DHRSX: variants seen among roughly 807,000 people sequenced by gnomAD.
DHRSX encodes dehydrogenase/reductase X-linked.
DHRSX carries 31 observed loss-of-function variants against 34.0 expected under a neutral mutation model. The observed-to-expected ratio is 0.91, with a 90% confidence interval of 0.69 to 1.23. DHRSX has a LOEUF of 1.23. Ranked by LOEUF, DHRSX falls within the 50% of genes most tolerant of loss-of-function variation. DHRSX has a pLI of 0.00. For missense variants in DHRSX, 414 were observed against 428.1 expected (o/e 0.97, Z 0.29); for synonymous variants, 201 against 183.8 (o/e 1.09, Z -0.76).
At chrX:2,348,943 C>G (rs913686616) in intron 3 of DHRSX, among the ~76,000 whole-genome samples, 1 of 152,076 alleles carries the variant, frequency 6.6e-6, no homozygotes, top group Admixed American at 6.6e-5. Flanking sequence ...CTCCGCTTGC[C>G]TCAGCCTCCC....
At chrX:2,426,969 T>C (rs1188169136) in intron 1 of DHRSX, among the ~76,000 whole-genome samples, 1 of 152,218 alleles carries the variant, frequency 6.6e-6, no homozygotes, top group African/African-American at 2.4e-5. Context: ...TAGACAAAGA[T>C]AAACATGTTG....
rs556890974 is a variant in DHRSX, at chrX:2,456,383, G to A, written c.110-31079C>T. On this transcript the variant is annotated intron_variant, in intron 1 of 6. Coordinates refer to ENST00000334651, the MANE Select transcript of DHRSX (RefSeq NM_145177.3). ...TATCCCAGAACTTTGGGAGGCTGAG[G>A]CAGGTGGATCACCTGAGGTCAGGAG... 2.0e-5 allele frequency among the ~76,000 whole-genome samples: 3 copies of A among 152,150 alleles called. No homozygotes were observed. The South Asian group carries it at 6.2e-4, about 32-fold the overall frequency.
chrX:2,231,883 TTCC>T lies in DHRSX; in HGVS notation c.805-10657_805-10655del, dbSNP rs1039028339. Among the ~76,000 whole-genome samples the T allele has an allele frequency of 1.0e-4, 15 of 149,076 alleles. No homozygotes were observed. In the East Asian group the frequency reaches 1.0e-3, roughly 10 times the overall value. ...TTCCTCCTCCATCTTCTCCAACTTC[TTCC>T]TCCTCCTCCTCTTTCTCTTATCTTC... is the stretch of plus-strand genomic sequence containing the variant. On this transcript the variant is annotated intron_variant, in intron 6 of 6. Coordinates refer to ENST00000334651, the MANE Select transcript of DHRSX (RefSeq NM_145177.3).
rs778314078 is a variant in DHRSX, at chrX:2,304,339, T to TGATG, written c.287-12740_287-12737dup. ...TGGATGGATGGATGGATGGATGAAC[T>TGATG]GATGGATGGATGGATGGATGGATAG... On this transcript the variant is annotated intron_variant, in intron 3 of 6. Transcript: ENST00000334651. 1.1e-3 allele frequency among the ~76,000 whole-genome samples: 132 copies of TGATG among 118,068 alleles called. 2 individuals carry two copies. The highest frequency in any genetic ancestry group is 2.0e-3 in the South Asian group (7 of 3,464). The allele number at this position is 118,068 out of a possible 152,430, so 77.5% of individuals were successfully genotyped here.
At chrX:2,491,066 G>GTTT (rs900738620) in intron 1 of DHRSX, among the ~76,000 whole-genome samples, 2,418 of 110,060 alleles carry the variant, frequency 0.022, 134 homozygotes, top group South Asian at 0.043. Context: ...AGTGCCTTTA[G>GTTT]TTTTTTTTTT....
chrX:2,348,983 C>T (rs752802083), intron 3 of DHRSX, among the ~76,000 whole-genome samples: 69 of 152,190 alleles, frequency 4.5e-4, no homozygotes, highest in Non-Finnish European at 4.3e-4. Context: ...CATGAGCCAC[C>T]GCGCCCGGCT....
intron 2 of DHRSX, among the ~76,000 whole-genome samples, chrX:2,423,880 AAAG>A (rs1375498523): frequency 6.6e-6 from 1 of 152,206 alleles, no homozygotes; most frequent in Non-Finnish European, 1.5e-5. Context: ...AAATTTTCAA[AAAG>A]AAGAGCAGAA....
intron 3 of DHRSX, among the ~76,000 whole-genome samples, chrX:2,368,624 C>T (rs1204004977): frequency 9.9e-5 from 15 of 151,918 alleles, no homozygotes; most frequent in Admixed American, 2.6e-4. Flanking sequence ...CCAAGGAGGG[C>T]GGATCACTTG....
At chrX:2,421,822 G>A (rs1314998763) in intron 2 of DHRSX, among the ~76,000 whole-genome samples, 2 of 152,192 alleles carry the variant, frequency 1.3e-5, no homozygotes, top group East Asian at 3.9e-4. Flanking sequence ...CTATTTAAAC[G>A]CATGAGTATA....
intron 3 of DHRSX, among the ~76,000 whole-genome samples, chrX:2,354,425 A>G (rs2042824131): frequency 6.6e-6 from 1 of 152,164 alleles, no homozygotes; most frequent in South Asian, 2.1e-4. Flanking sequence ...ATGGACAGCA[A>G]TCACTACCCA....
At chrX:2,222,512 G>A (rs1452524793) in intron 6 of DHRSX, among the ~76,000 whole-genome samples, 1 of 152,204 alleles carries the variant, frequency 6.6e-6, no homozygotes, top group Non-Finnish European at 1.5e-5. Context: ...ATAAAGACCA[G>A]ATATTGCCTT....
chrX:2,346,645 G>A (rs189466859), intron 3 of DHRSX, among the ~76,000 whole-genome samples: 4 of 106,018 alleles, frequency 3.8e-5, no homozygotes, highest in Non-Finnish European at 8.4e-5. Context: ...TATGAGTCTG[G>A]TTTTTTTTTT....
intron 3 of DHRSX, among the ~76,000 whole-genome samples, chrX:2,323,245 T>C (rs2042335106): frequency 3.9e-5 from 6 of 152,274 alleles, no homozygotes; most frequent in South Asian, 4.1e-4. Context: ...AGCCACACCA[T>C]GGTAGAGCTA....
intron 1 of DHRSX, chrX:2,489,235 A>G: frequency 6.2e-7 from 1 of 1,613,638 alleles, no homozygotes; most frequent in Non-Finnish European, 8.5e-7. Flanking sequence ...CCACCACGCG[A>G]TTCTCCACCT....
At chrX:2,301,869 C>A (rs1345569304) in intron 3 of DHRSX, among the ~76,000 whole-genome samples, 7 of 152,088 alleles carry the variant, frequency 4.6e-5, no homozygotes, top group Non-Finnish European at 1.0e-4. Flanking sequence ...AACTCCGGAC[C>A]TTGTGATCTG....
chrX:2,335,648 T>C (rs2042550057), intron 3 of DHRSX, among the ~76,000 whole-genome samples: 1 of 151,900 alleles, frequency 6.6e-6, no homozygotes. Flanking sequence ...GAGATGGGGC[T>C]TCATCATATA....
At chrX:2,356,384 A>T (rs2042852367) in intron 3 of DHRSX, among the ~76,000 whole-genome samples, 1 of 152,194 alleles carries the variant, frequency 6.6e-6, no homozygotes, top group African/African-American at 2.4e-5. Flanking sequence ...CAAAAAAAGA[A>T]AAAAAATGAA....
intron 3 of DHRSX, among the ~76,000 whole-genome samples, chrX:2,314,410 GAGGGA>G (rs2042209953): frequency 8.7e-6 from 1 of 114,630 alleles, no homozygotes; most frequent in Non-Finnish European, 1.7e-5. Flanking sequence ...GGAAAGAAGG[GAGGGA>G]AGGAAGGAAG....
intron 4 of DHRSX, among the ~76,000 whole-genome samples, chrX:2,288,690 G>T (rs1235941113): frequency 6.6e-6 from 1 of 152,226 alleles, no homozygotes; most frequent in African/African-American, 2.4e-5. Context: ...GGCATTGAGC[G>T]AAGGTAAAAG....
Sources: gnomAD v4.1 joint callset for allele counts (sites outside exome capture counted in the v4.1 genomes callset) on GRCh38, gnomAD v4.1.1 for gene constraint, MANE v1.5 for transcripts, NCBI Gene and HGNC (gene_info 2026-07-23, HGNC 2026-07-21) for gene names.